FBXL20: variants seen among roughly 807,000 people sequenced by gnomAD.
The protein encoded by FBXL20 is F-box/LRR-repeat protein 20.
A neutral mutation model predicts 64.0 loss-of-function variants in FBXL20; 11 were observed. The observed-to-expected ratio is 0.17, with a 90% confidence interval of 0.11 to 0.28. The LOEUF is 0.28. Among genes scored for constraint, FBXL20 ranks in the 10% least tolerant of loss-of-function variants. The probability of loss-of-function intolerance (pLI) is 1.00; values close to 1 mark genes in which losing one functional copy is unlikely to be tolerated. For missense variants in FBXL20, 303 were observed against 526.2 expected (o/e 0.58, Z 4.15); for synonymous variants, 184 against 189.0 (o/e 0.97, Z 0.22).
chr17:39,253,507 C>G lies in FBXL20; in HGVS notation c.*7953G>C, dbSNP rs1392654333. 1 of 152,342 alleles carries G rather than the reference C, an allele frequency of 6.6e-6. No individual in the cohort carries two copies. The highest frequency in any genetic ancestry group is 2.4e-5 in the African/African-American group (1 of 41,442). 9.4% of individuals were successfully genotyped at this position (152,342 alleles called of 1,614,324 possible). A position where few individuals can be genotyped will look rare whatever the true frequency, so the allele number is the denominator to read the frequency against. On this transcript the variant is annotated 3_prime_UTR_variant, in exon 15 of 15. Transcript: ENST00000264658. Reference sequence around the variant, plus strand: ...AGTCAACCTTTGGAGTGGGTAGTCACAGATACTCAGGGCTCCAAGAGCCAC... The same window carrying G: ...AGTCAACCTTTGGAGTGGGTAGTCAGAGATACTCAGGGCTCCAAGAGCCAC...
At chr17:39,383,590 CTTTTT>C (rs545087479) in intron 1 of FBXL20, among the ~76,000 whole-genome samples, 1 of 128,546 alleles carries the variant, frequency 7.8e-6, no homozygotes, top group African/African-American at 3.1e-5. Flanking sequence ...ACTTTATATG[CTTTTT>C]TTTTTTTTTT....
chr17:39,329,470 G>C (rs2047440050), intron 2 of FBXL20, among the ~76,000 whole-genome samples: 1 of 152,030 alleles, frequency 6.6e-6, no homozygotes, highest in Non-Finnish European at 1.5e-5. Flanking sequence ...TTACTATAAA[G>C]GATATAAATG....
chr17:39,312,439 T>TA (rs1323635825), intron 2 of FBXL20, among the ~76,000 whole-genome samples: 1 of 148,984 alleles, frequency 6.7e-6, no homozygotes, highest in Non-Finnish European at 1.5e-5. Flanking sequence ...AGTAAGAACT[T>TA]AGTCTTTACA....
intron 1 of FBXL20, among the ~76,000 whole-genome samples, chr17:39,367,084 C>T (rs1001853556): frequency 1.3e-5 from 2 of 151,170 alleles, no homozygotes; most frequent in African/African-American, 4.9e-5. Flanking sequence ...GGGGTTTCGG[C>T]GTGTTAGCCA....
At chr17:39,314,711 T>C (rs1311649131) in intron 2 of FBXL20, among the ~76,000 whole-genome samples, 1 of 151,902 alleles carries the variant, frequency 6.6e-6, no homozygotes, top group East Asian at 1.9e-4. Context: ...CCAAGCTGTG[T>C]TCCACAGTGG....
At chr17:39,344,250 C>T (rs2047610573) in intron 1 of FBXL20, among the ~76,000 whole-genome samples, 1 of 151,162 alleles carries the variant, frequency 6.6e-6, no homozygotes, top group Admixed American at 6.6e-5. Context: ...ACGTGGGAGG[C>T]TGAGGTGGGA....
chr17:39,353,933 C>G (rs557205902), intron 1 of FBXL20, among the ~76,000 whole-genome samples: 2 of 152,126 alleles, frequency 1.3e-5, no homozygotes, highest in Non-Finnish European at 2.9e-5. Context: ...CTATTTTTAT[C>G]TTAAAAATGT....
intron 7 of FBXL20, among the ~76,000 whole-genome samples, chr17:39,283,707 G>A (rs554730569): frequency 2.0e-5 from 3 of 152,174 alleles, no homozygotes; most frequent in East Asian, 3.9e-4. Context: ...CTAGAGTACC[G>A]CTTTTGTAGG....
chr17:39,303,689 G>C, intron 2 of FBXL20, 50 bp from the exon 3 acceptor site: 3 of 1,503,480 alleles, frequency 2.0e-6, no homozygotes, highest in Non-Finnish European at 2.7e-6. Context: ...TAAAGTAGTT[G>C]ACCTTTATTT....
chr17:39,262,215 C>T (rs771145231), intron 14 of FBXL20, among the ~76,000 whole-genome samples: 10 of 152,120 alleles, frequency 6.6e-5, no homozygotes, highest in Non-Finnish European at 1.5e-4. Flanking sequence ...GAGGCCAACT[C>T]GAACTCAAGA....
At chr17:39,287,059 C>T (rs888651924) in intron 6 of FBXL20, among the ~76,000 whole-genome samples, 1 of 151,326 alleles carries the variant, frequency 6.6e-6, no homozygotes, top group African/African-American at 2.4e-5. Flanking sequence ...ATTACAGGCG[C>T]CTGCCACCAT....
chr17:39,261,811 G>T (rs71369735), intron 14 of FBXL20, among the ~76,000 whole-genome samples: 1 of 151,978 alleles, frequency 6.6e-6, no homozygotes. Flanking sequence ...GGCCGGGCGC[G>T]GTGGCTCACG....
In FBXL20 at chr17:39,285,544, G is replaced by A. The variant is rs757642171; in HGVS notation, c.428C>T (p.Ser143Phe). 7 of 1,604,122 alleles carry A rather than the reference G, an allele frequency of 4.4e-6. No individual in the cohort carries two copies. The highest frequency in any genetic ancestry group is 4.3e-6 in the Non-Finnish European group (5 of 1,175,082). The change falls in exon 7 of 15, where the codon TCC becomes TTC. Residue 143 changes from serine to phenylalanine, a missense_variant. Ser to Phe is a radical substitution (Grantham distance 155, BLOSUM62 -2). Transcript: ENST00000264658. ...ATCTSLSKFC[S>F]KLRHLDLASC... ...AGCCAAGTCAAGGTGCCTGAGTTTG[G>A]AACAGAACTTGCTAAGGCTAGTACA...
intron 2 of FBXL20, among the ~76,000 whole-genome samples, chr17:39,308,337 T>C (rs1278418288): frequency 1.3e-5 from 2 of 151,450 alleles, no homozygotes; most frequent in African/African-American, 2.4e-5. Flanking sequence ...TCTGTAAAAA[T>C]GAAAAAATTT....
At chr17:39,298,941 G>T in intron 5 of FBXL20, 49 bp downstream of exon 5, 1 of 1,452,550 alleles carries the variant, frequency 6.9e-7, no homozygotes, top group Non-Finnish European at 9.6e-7. Flanking sequence ...GTGAGATGGT[G>T]CTGCTCTTCA....
At chr17:39,269,947 CT>C (rs1357320212) in intron 11 of FBXL20, among the ~76,000 whole-genome samples, 7 of 152,310 alleles carry the variant, frequency 4.6e-5, no homozygotes, top group Admixed American at 4.6e-4. Context: ...CATGTGCTGG[CT>C]CCCACCTAAT....
chr17:39,362,479 A>G (rs140834106), intron 1 of FBXL20, among the ~76,000 whole-genome samples: 4,890 of 152,060 alleles, frequency 0.032, 273 homozygotes, highest in African/African-American at 0.11. Context: ...ATGTGCCACC[A>G]CACCCAGCTA....
At chr17:39,266,380 C>T (rs1818052652) in intron 12 of FBXL20, among the ~76,000 whole-genome samples, 2 of 152,130 alleles carry the variant, frequency 1.3e-5, no homozygotes, top group South Asian at 4.1e-4. Context: ...CTACCACGTC[C>T]AGCTAATTTT....
intron 1 of FBXL20, among the ~76,000 whole-genome samples, chr17:39,385,214 A>G (rs1406246941): frequency 6.6e-6 from 1 of 151,626 alleles, no homozygotes; most frequent in African/African-American, 2.4e-5. Context: ...ATTGTGAGAC[A>G]CTGTCTCTAG....
Sources: allele counts gnomAD v4.1 joint callset (sites outside exome capture counted in the v4.1 genomes callset), GRCh38; gene constraint gnomAD v4.1.1; transcripts MANE v1.5; gene names NCBI Gene and HGNC (gene_info 2026-07-23, HGNC 2026-07-21).